PSD3: variants seen among roughly 807,000 people sequenced by gnomAD.
The protein encoded by PSD3 is pleckstrin and Sec7 domain containing 3.
A neutral mutation model predicts 105.5 loss-of-function variants in PSD3; 49 were observed. The ratio of observed to expected loss-of-function variants is 0.46; its 90% CI spans 0.37 to 0.59. The LOEUF (loss-of-function observed/expected upper bound fraction) is 0.59, where lower values mean the gene tolerates loss of function less well. Among genes scored for constraint, PSD3 ranks in the 20% least tolerant of loss-of-function variants. The pLI is 0.00. For missense variants in PSD3, 1,561 were observed against 1,263.8 expected (o/e 1.24, Z -3.57); for synonymous variants, 557 against 457.8 (o/e 1.22, Z -2.77).
chr8:18,605,792 G>C (rs1254318259), intron 11 of PSD3, among the ~76,000 whole-genome samples: 1 of 152,112 alleles, frequency 6.6e-6, no homozygotes, highest in Non-Finnish European at 1.5e-5. Context: ...TAGTGAATGA[G>C]TGCTCATGAG....
chr8:18,588,832 C>A (rs1255024954), intron 12 of PSD3, among the ~76,000 whole-genome samples: 3 of 152,178 alleles, frequency 2.0e-5, no homozygotes, highest in African/African-American at 7.2e-5. Flanking sequence ...GTAGGAAAAG[C>A]TGGTACCTTT....
intron 2 of PSD3, among the ~76,000 whole-genome samples, chr8:18,920,664 C>T (rs1038268604): frequency 6.6e-6 from 1 of 152,100 alleles, no homozygotes; most frequent in Non-Finnish European, 1.5e-5. Context: ...TCATTAGAAA[C>T]ATATTTTTCT....
At chr8:18,801,104 A>G (rs549108156) in intron 7 of PSD3, 166 bp downstream of exon 7, 19 of 448,482 alleles carry the variant, frequency 4.2e-5, no homozygotes, top group African/African-American at 3.7e-4. Flanking sequence ...TCTAATTCCA[A>G]TTTGACATTA....
chr8:18,768,668 C>A (rs1807236684), intron 8 of PSD3, among the ~76,000 whole-genome samples: 1 of 152,194 alleles, frequency 6.6e-6, no homozygotes, highest in Admixed American at 6.5e-5. Context: ...TGCCTGAGAA[C>A]ATACACCTGT....
At chr8:18,754,063 C>A (rs1196512828) in intron 9 of PSD3, among the ~76,000 whole-genome samples, 1 of 152,148 alleles carries the variant, frequency 6.6e-6, no homozygotes, top group Non-Finnish European at 1.5e-5. Flanking sequence ...CATGGCCAAA[C>A]TGAGAAAACA....
chr8:19,069,551 G>A (rs953314719), intron 1 of PSD3, among the ~76,000 whole-genome samples: 1 of 152,184 alleles, frequency 6.6e-6, no homozygotes, highest in Non-Finnish European at 1.5e-5. Flanking sequence ...GATAAGATTT[G>A]TACACAAATA....
chr8:19,072,258 C>A (rs939980400), intron 1 of PSD3, among the ~76,000 whole-genome samples: 1 of 151,614 alleles, frequency 6.6e-6, no homozygotes, highest in Non-Finnish European at 1.5e-5. Flanking sequence ...CCCGCCACCA[C>A]GCCCAGCTAA....
At chr8:18,661,578 T>C (rs1485389446) in intron 9 of PSD3, among the ~76,000 whole-genome samples, 1 of 152,224 alleles carries the variant, frequency 6.6e-6, no homozygotes, top group Non-Finnish European at 1.5e-5. Flanking sequence ...TCTCTCACTA[T>C]AGGAAGCTTC....
At chr8:18,623,068 TAG>T (rs1041897059) in intron 11 of PSD3, among the ~76,000 whole-genome samples, 3 of 152,110 alleles carry the variant, frequency 2.0e-5, no homozygotes, top group Non-Finnish European at 4.4e-5. Flanking sequence ...AATCTTTTTG[TAG>T]AGACAGCTAT....
At chr8:18,670,827 C>T (rs906018236) in intron 9 of PSD3, among the ~76,000 whole-genome samples, 1 of 152,016 alleles carries the variant, frequency 6.6e-6, no homozygotes, top group Non-Finnish European at 1.5e-5. Context: ...TACACACAAC[C>T]CCACCGACAA....
At chr8:18,793,675 A>G (rs1023723431) in intron 8 of PSD3, among the ~76,000 whole-genome samples, 21 of 152,314 alleles carry the variant, frequency 1.4e-4, no homozygotes, top group Non-Finnish European at 1.9e-4. Context: ...CTGAATGCCA[A>G]CGATAGCTTT....
chr8:19,026,240 C>T (rs533490197), intron 1 of PSD3, among the ~76,000 whole-genome samples: 2 of 152,086 alleles, frequency 1.3e-5, no homozygotes, highest in Non-Finnish European at 2.9e-5. Flanking sequence ...AAACCATATC[C>T]CATAGGACCG....
chr8:18,743,173 A>G lies in PSD3; in HGVS notation c.2172+22276T>C, dbSNP rs1804717147. On this transcript the variant is annotated intron_variant, in intron 9 of 15. Transcript: ENST00000327040. Reference sequence around the variant, plus strand: ...CCCTTTGAAGGTTCACTGAAAATCAACTGGCCAAAGGTAGAATAACAGCGA... The same window carrying G: ...CCCTTTGAAGGTTCACTGAAAATCAGCTGGCCAAAGGTAGAATAACAGCGA... Among the ~76,000 whole-genome samples the G allele has an allele frequency of 2.0e-5, 3 of 152,200 alleles. No individual in the cohort carries two copies. The South Asian group carries it at 6.2e-4, about 32-fold the overall frequency.
chr8:18,624,962 C>A (rs1305550045), intron 11 of PSD3, among the ~76,000 whole-genome samples: 1 of 151,874 alleles, frequency 6.6e-6, no homozygotes, highest in African/African-American at 2.4e-5. Flanking sequence ...TCTTGAATTC[C>A]TGGGCTCAAG....
At chr8:18,759,901 T>C (rs1806368320) in intron 9 of PSD3, among the ~76,000 whole-genome samples, 1 of 149,964 alleles carries the variant, frequency 6.7e-6, no homozygotes, top group Admixed American at 6.7e-5. Flanking sequence ...TGAAAGGCCC[T>C]GTGTCTTTTC....
At chr8:18,798,670 G>C (rs1039522768) in intron 8 of PSD3, among the ~76,000 whole-genome samples, 1 of 150,720 alleles carries the variant, frequency 6.6e-6, no homozygotes. Context: ...TACTTACTTA[G>C]AGCAAAAATT....
chr8:18,707,232 T>C (rs1801958397), intron 9 of PSD3, among the ~76,000 whole-genome samples: 1 of 152,170 alleles, frequency 6.6e-6, no homozygotes, highest in African/African-American at 2.4e-5. Context: ...CCAGAAAACC[T>C]ACCCGACAAT....
chr8:18,854,670 T>A (rs1398464439), intron 4 of PSD3, among the ~76,000 whole-genome samples: 1 of 152,206 alleles, frequency 6.6e-6, no homozygotes, highest in African/African-American at 2.4e-5. Flanking sequence ...ATGACTGAAA[T>A]AGACAACAAA....
At chr8:18,591,233 G>C (rs1032357307) in intron 12 of PSD3, among the ~76,000 whole-genome samples, 1 of 152,154 alleles carries the variant, frequency 6.6e-6, no homozygotes. Flanking sequence ...CACCAGAAGA[G>C]AATGCCCTGG....
Sources: gnomAD v4.1 joint callset for allele counts (sites outside exome capture counted in the v4.1 genomes callset) on GRCh38, gnomAD v4.1.1 for gene constraint, MANE v1.5 for transcripts, NCBI Gene and HGNC (gene_info 2026-07-23, HGNC 2026-07-21) for gene names.